The following PRKAG2 variants were observed in gnomAD, a reference collection of about 807,000 sequenced individuals.
PRKAG2 encodes the protein 5'-AMP-activated protein kinase subunit gamma-2.
In PRKAG2, 26 loss-of-function variants were observed where a neutral mutation model predicts 69.6. The observed-to-expected ratio is 0.37, with a 90% CI of 0.27 to 0.52. The LOEUF (loss-of-function observed/expected upper bound fraction) is 0.52. Among genes scored for constraint, PRKAG2 ranks in the 20% least tolerant of loss-of-function variants. The pLI, the probability that PRKAG2 is intolerant of heterozygous loss-of-function variation, is 0.90. For missense variants in PRKAG2, 557 were observed against 740.0 expected (o/e 0.75, Z 2.87); for synonymous variants, 293 against 285.0 (o/e 1.03, Z -0.28).
intron 14 of PRKAG2, among the ~76,000 whole-genome samples, chr7:151,561,760 C>T (rs1043124487): frequency 5.3e-5 from 8 of 151,440 alleles, no homozygotes; most frequent in Admixed American, 2.6e-4. Flanking sequence ...TGGTGAAACC[C>T]TGTCTCTACT....
chr7:151,732,807 C>G (rs549141441), intron 3 of PRKAG2, among the ~76,000 whole-genome samples: 1 of 152,296 alleles, frequency 6.6e-6, no homozygotes, highest in East Asian at 1.9e-4. Flanking sequence ...ATTCTCCTGT[C>G]TCAGCCTCCC....
At chr7:151,621,171 T>G (rs1821406257) in intron 5 of PRKAG2, among the ~76,000 whole-genome samples, 1 of 152,272 alleles carries the variant, frequency 6.6e-6, no homozygotes, top group Non-Finnish European at 1.5e-5. Flanking sequence ...TTCTTCTTTG[T>G]GTGCTATCTT....
chr7:151,557,445 A>G (rs1193939876), intron 15 of PRKAG2: 1 of 985,272 alleles, frequency 1.0e-6, no homozygotes, highest in Non-Finnish European at 1.2e-6. Context: ...GTCATTCTAA[A>G]TATGTCAGAT....
At chr7:151,842,005 A>G (rs1410149366) in intron 1 of PRKAG2, among the ~76,000 whole-genome samples, 1 of 127,738 alleles carries the variant, frequency 7.8e-6, no homozygotes, top group African/African-American at 3.1e-5. Context: ...GTAGGTAGGG[A>G]TGGTAGTGAT....
intron 1 of PRKAG2, among the ~76,000 whole-genome samples, chr7:151,863,528 CA>C (rs945924124): frequency 6.6e-6 from 1 of 152,106 alleles, no homozygotes; most frequent in Admixed American, 6.5e-5. Context: ...ACTGAGTGGC[CA>C]AAGCTAGAGG....
At chr7:151,749,018 T>C (rs774428287) in intron 3 of PRKAG2, among the ~76,000 whole-genome samples, 33 of 152,154 alleles carry the variant, frequency 2.2e-4, no homozygotes, top group South Asian at 4.1e-4. Flanking sequence ...CCTCCGAGGG[T>C]GAGGAAGAGG....
intron 3 of PRKAG2, among the ~76,000 whole-genome samples, chr7:151,707,886 G>A (rs1317620559): frequency 5.3e-5 from 8 of 152,312 alleles, no homozygotes; most frequent in Admixed American, 1.3e-4. Flanking sequence ...AGCCAGCACC[G>A]GCCCCAAGGC....
chr7:151,559,502 C>G, intron 15 of PRKAG2: 12 of 982,446 alleles, frequency 1.2e-5, no homozygotes, highest in Non-Finnish European at 1.5e-5. Flanking sequence ...TAGTAAATTC[C>G]AGGTGGTGGT....
chr7:151,666,903 T>C (rs773178486), intron 4 of PRKAG2, among the ~76,000 whole-genome samples: 1 of 152,218 alleles, frequency 6.6e-6, no homozygotes, highest in Non-Finnish European at 1.5e-5. Context: ...AAAAATCCCA[T>C]GTATTTTCCA....
chr7:151,640,040 G>A (rs1826419853), intron 4 of PRKAG2, among the ~76,000 whole-genome samples: 1 of 152,202 alleles, frequency 6.6e-6, no homozygotes, highest in Admixed American at 6.5e-5. Flanking sequence ...GCCAGGCACA[G>A]TGGCTCACAT....
At chr7:151,660,769 AAGTT>A (rs751658685) in intron 4 of PRKAG2, among the ~76,000 whole-genome samples, 10 of 152,256 alleles carry the variant, frequency 6.6e-5, no homozygotes, top group Non-Finnish European at 1.0e-4. Flanking sequence ...GGAACAACAA[AAGTT>A]AGACGAAAAT....
Position 151,780,811 on chromosome 7 carries a change from C to T in PRKAG2, c.466+341G>A, listed in dbSNP as rs1287409461. Among the ~76,000 whole-genome samples the T allele has an allele frequency of 6.6e-6, 1 of 152,158 alleles. No homozygotes were observed. Among genetic ancestry groups the T allele is most frequent in the African/African-American group, 2.4e-5 (1 of 41,450 alleles). ...TGAGGGCCTAAGCTTGGCTCCATGC[C>T]TGCAGTTTCCAGAGAAGGCTGGAGG... is the stretch of plus-strand genomic sequence containing the variant. On this transcript the variant is annotated intron_variant, in intron 3 of 15. Coordinates refer to ENST00000287878, the MANE Select transcript of PRKAG2 (RefSeq NM_016203.4). The surrounding 1 kb of genome is among the most constrained non-coding windows in gnomAD (Gnocchi z 4.2).
intron 1 of PRKAG2, among the ~76,000 whole-genome samples, chr7:151,863,564 C>G (rs539586633): frequency 6.6e-6 from 1 of 152,288 alleles, no homozygotes; most frequent in South Asian, 2.1e-4. Flanking sequence ...CTGAGCATAA[C>G]CTTCAGGTGA....
chr7:151,685,767 TAAAA>T (rs55879822), intron 3 of PRKAG2, among the ~76,000 whole-genome samples: 2 of 145,568 alleles, frequency 1.4e-5, no homozygotes, highest in Non-Finnish European at 1.5e-5. Context: ...ACCCTGTCTC[TAAAA>T]AAAAAAAAAA....
chr7:151,839,374 C>T (rs1396974732), intron 1 of PRKAG2, among the ~76,000 whole-genome samples: 2 of 152,186 alleles, frequency 1.3e-5, no homozygotes, highest in African/African-American at 2.4e-5. Flanking sequence ...AGAAGCGGTC[C>T]GCAGCCCCTG....
chr7:151,749,538 A>G (rs1422685391), intron 3 of PRKAG2, among the ~76,000 whole-genome samples: 1 of 152,200 alleles, frequency 6.6e-6, no homozygotes, highest in Non-Finnish European at 1.5e-5. Flanking sequence ...AGCTCACAGG[A>G]AAGGAGAAAA....
chr7:151,792,733 G>A lies in PRKAG2; in HGVS notation c.115-6192C>T, dbSNP rs148712264. On this transcript the variant is annotated intron_variant, in intron 1 of 15. Coordinates refer to ENST00000287878, the MANE Select transcript of PRKAG2 (RefSeq NM_016203.4). ...TCGAGGTTTACAATATCAGGGTCAC[G>A]ATACAACATTCCTGTTTGATTCCAA... Among the ~76,000 whole-genome samples the A allele has an allele frequency of 7.9e-5, 12 of 152,376 alleles. No homozygotes were observed. The East Asian group carries it at 1.9e-3, about 24-fold the overall frequency.
At chr7:151,875,915 T>C (rs1486137639) in intron 1 of PRKAG2, among the ~76,000 whole-genome samples, 1 of 151,194 alleles carries the variant, frequency 6.6e-6, no homozygotes, top group African/African-American at 2.4e-5. Flanking sequence ...CAAAGTACAC[T>C]CCCGGGGCGG....
rs184431123 is a variant in PRKAG2, at chr7:151,742,572, C to T, written c.466+38580G>A. ...CCGGGAGGCGGAGGTTGCAGTGAAC[C>T]GAGATTGTGCCACTGCACTCCAGCC... On this transcript the variant is annotated intron_variant, in intron 3 of 15. Coordinates refer to ENST00000287878, the MANE Select transcript of PRKAG2 (RefSeq NM_016203.4). 2.4e-3 allele frequency among the ~76,000 whole-genome samples: 361 copies of T among 151,754 alleles called. 1 individual carries two copies. The highest frequency in any genetic ancestry group is 8.0e-3 in the African/African-American group (333 of 41,390).
Sources: allele counts gnomAD v4.1 joint callset (sites outside exome capture counted in the v4.1 genomes callset), GRCh38; gene constraint gnomAD v4.1.1; non-coding constraint Gnocchi (gnomAD v3.1); transcripts MANE v1.5; gene names NCBI Gene and HGNC (gene_info 2026-07-23, HGNC 2026-07-21).